The following PRTG variants were observed in gnomAD, a reference collection of about 807,000 sequenced individuals.
PRTG encodes the protein immunoglobulin superfamily, DCC subclass, member 5.
A neutral mutation model predicts 122.5 loss-of-function variants in PRTG; 67 were observed. That is an observed-to-expected ratio of 0.55 (90% confidence interval 0.45 to 0.67). The LOEUF is 0.67. PRTG is among the 30% of genes least tolerant of loss of function. The probability of loss-of-function intolerance (pLI) is 0.00; values close to 1 mark genes in which losing one functional copy is unlikely to be tolerated. For missense variants in PRTG, 1,435 were observed against 1,415.4 expected, an observed-to-expected ratio of 1.01 and a Z score of -0.22; for synonymous variants, 554 against 501.1, an observed-to-expected ratio of 1.11 and a Z score of -1.41.
At chr15:55,659,768 A>C (rs1191798963) in intron 11 of PRTG, among the ~76,000 whole-genome samples, 1 of 152,026 alleles carries the variant, frequency 6.6e-6, no homozygotes, top group East Asian at 1.9e-4. Flanking sequence ...AAAAACACAA[A>C]ATTAGCTGGG....
intron 18 of PRTG, among the ~76,000 whole-genome samples, chr15:55,622,225 T>TTG (rs1259551328): frequency 6.7e-6 from 1 of 149,390 alleles, no homozygotes; most frequent in Non-Finnish European, 1.5e-5. Context: ...TGTTTTTTTT[T>TTG]TTTTTTTTTT....
chr15:55,682,550 TTA>T, intron 3 of PRTG, 53 bp from the exon 4 acceptor site: 7 of 412,300 alleles, frequency 1.7e-5, no homozygotes, highest in Non-Finnish European at 2.5e-5. Flanking sequence ...CATATTTTAT[TTA>T]TTTATTTATT....
chr15:55,625,114 A>ACGTT (rs1483135250), intron 17 of PRTG, among the ~76,000 whole-genome samples: 11 of 152,306 alleles, frequency 7.2e-5, no homozygotes, highest in African/African-American at 2.4e-4. Flanking sequence ...ACCTAAAACA[A>ACGTT]CGTGTATTTG....
intron 15 of PRTG, among the ~76,000 whole-genome samples, chr15:55,629,371 ATATATGTGTGTGTGTGTGTGTG>A (rs1312919215): frequency 5.6e-5 from 2 of 35,558 alleles, no homozygotes; most frequent in African/African-American, 1.7e-4. Context: ...ATATATATAT[ATATATGTGTGTGTGTGTGTGTG>A]TGTGTGTGTG....
intron 15 of PRTG, among the ~76,000 whole-genome samples, chr15:55,632,072 A>T (rs911693811): frequency 1.3e-5 from 2 of 152,250 alleles, no homozygotes; most frequent in East Asian, 3.9e-4. Context: ...CCACAGCCTT[A>T]AACATCACCT....
At chr15:55,738,815 G>A (rs531406190) in intron 2 of PRTG, among the ~76,000 whole-genome samples, 6 of 148,464 alleles carry the variant, frequency 4.0e-5, no homozygotes, top group African/African-American at 1.5e-4. Flanking sequence ...AAGGAAGGAA[G>A]GAAGGGAGAG....
At chr15:55,636,292 C>T (rs1051070060) in intron 15 of PRTG, among the ~76,000 whole-genome samples, 9 of 151,906 alleles carry the variant, frequency 5.9e-5, no homozygotes, top group Middle Eastern at 3.4e-3. Flanking sequence ...AATATTCATA[C>T]GGGTCAATTT....
At chr15:55,706,834 GA>G (rs1319130961) in intron 2 of PRTG, among the ~76,000 whole-genome samples, 1 of 152,106 alleles carries the variant, frequency 6.6e-6, no homozygotes. Flanking sequence ...GGTGACAAAA[GA>G]TGCAACTGCA....
At chr15:55,632,702 G>A (rs182463855) in intron 15 of PRTG, among the ~76,000 whole-genome samples, 132 of 152,202 alleles carry the variant, frequency 8.7e-4, no homozygotes, top group Middle Eastern at 3.4e-3. Flanking sequence ...CATTTCTTCC[G>A]CAGGAACTCT....
At chr15:55,700,724 TG>T (rs1407457359) in intron 2 of PRTG, among the ~76,000 whole-genome samples, 11 of 152,138 alleles carry the variant, frequency 7.2e-5, no homozygotes, top group Non-Finnish European at 1.5e-4. Flanking sequence ...GAGGCTGTAC[TG>T]AGCCTGGATC....
chr15:55,655,355 T>C (rs150664608), intron 11 of PRTG: 2 of 152,162 alleles, frequency 1.3e-5, no homozygotes, highest in Non-Finnish European at 2.9e-5. Flanking sequence ...TTTCAACACG[T>C]ATGACACAGA....
intron 11 of PRTG, among the ~76,000 whole-genome samples, chr15:55,659,943 A>AAAACAAAACG (rs1269058860): frequency 2.0e-5 from 3 of 151,994 alleles, no homozygotes; most frequent in African/African-American, 7.3e-5. Flanking sequence ...AAAACAAAAC[A>AAAACAAAACG]AAACAAAACA....
At chr15:55,681,440 AAACTATC>A (rs1458993632) in intron 4 of PRTG, 1 of 152,084 alleles carries the variant, frequency 6.6e-6, no homozygotes, top group African/African-American at 2.4e-5. Context: ...TTTGAAATAA[AAACTATC>A]ATCTATTGCA....
At chr15:55,635,858 G>A (rs941619650) in intron 15 of PRTG, among the ~76,000 whole-genome samples, 4 of 152,122 alleles carry the variant, frequency 2.6e-5, no homozygotes, top group African/African-American at 4.8e-5. Flanking sequence ...ATAGAATATA[G>A]TGTATAGGTG....
intron 4 of PRTG, chr15:55,681,298 A>C (rs914380552): frequency 2.0e-5 from 3 of 151,986 alleles, no homozygotes. Context: ...ATGTTTTTCT[A>C]AATTTCTTCT....
At chr15:55,738,069 T>TAA (rs1456499640) in intron 2 of PRTG, 3 of 66,842 alleles carry the variant, frequency 4.5e-5, no homozygotes, top group African/African-American at 1.6e-4. Context: ...ACTCTTCCTG[T>TAA]AAATATATAT....
chr15:55,739,416 A>C (rs1247242676), intron 2 of PRTG, among the ~76,000 whole-genome samples: 1 of 152,146 alleles, frequency 6.6e-6, no homozygotes, highest in Non-Finnish European at 1.5e-5. Context: ...CCTTTATCTC[A>C]AGAATGCCAT....
chr15:55,702,479 G>T (rs905797423), intron 2 of PRTG, among the ~76,000 whole-genome samples: 21 of 152,120 alleles, frequency 1.4e-4, no homozygotes, highest in Non-Finnish European at 5.9e-5. Flanking sequence ...AGTATGTATG[G>T]ATTCAATTCA....
In PRTG at chr15:55,617,198, A is replaced by G. The variant is rs912626568; in HGVS notation, c.*2814T>C. The G allele has an allele frequency of 5.9e-5, 8 of 136,528 alleles. No individual in the cohort carries two copies. The highest frequency in any genetic ancestry group is 5.6e-4 in the Admixed American group (7 of 12,456). 8.5% of individuals were successfully genotyped at this position (136,528 alleles called of 1,614,324 possible). Reference sequence around the variant, plus strand: ...GCTGTATTACTAAATATCTTATTCAATGAGACCAAAGTATTTATTTTTGGT... The same window carrying G: ...GCTGTATTACTAAATATCTTATTCAGTGAGACCAAAGTATTTATTTTTGGT... On this transcript the variant is annotated 3_prime_UTR_variant, in exon 20 of 20. Transcript: ENST00000389286.
Sources: allele counts gnomAD v4.1 joint callset (sites outside exome capture counted in the v4.1 genomes callset), GRCh38; gene constraint gnomAD v4.1.1; transcripts MANE v1.5; gene names NCBI Gene and HGNC (gene_info 2026-07-23, HGNC 2026-07-21).